CSF2RA: variants seen among roughly 807,000 people sequenced by gnomAD.
The protein encoded by CSF2RA is colony stimulating factor 2 receptor subunit alpha.
CSF2RA carries 42 observed loss-of-function variants against 51.6 expected under a neutral mutation model. That is an observed-to-expected ratio of 0.81 (90% confidence interval 0.64 to 1.05). The LOEUF is 1.05. Ranked by LOEUF, CSF2RA falls within the 50% of genes least tolerant of loss-of-function variation. CSF2RA has a pLI of 0.00. For missense variants in CSF2RA, 530 were observed against 501.1 expected, an observed-to-expected ratio of 1.06 and a Z score of -0.55; for synonymous variants, 222 against 193.0, an observed-to-expected ratio of 1.15 and a Z score of -1.24.
chrX:1,285,849 G>A lies in CSF2RA; in HGVS notation c.148G>A (p.Asp50Asn), dbSNP rs766289001. 2.5e-6 allele frequency: 4 copies of A among 1,613,836 alleles called. No individual in the cohort carries two copies. The South Asian group carries it at 3.3e-5, about 13-fold the overall frequency. The part of the protein sequence containing the change: ...FDSRTMNLSW[D>N]CQENTTFSKC... ...CTCCAGGACGATGAATTTAAGCTGG[G>A]ACTGCCAAGAAAACACAACCTTCAG... Residue 50 changes from aspartate to asparagine, a missense_variant, in exon 4 of 13, where the codon GAC becomes AAC. Physicochemically the swap from Asp to Asn is conservative, Grantham distance 23. Transcript: ENST00000381529.
At chrX:1,312,605 C>T (rs1483598263), downstream of CSF2RA, among the ~76,000 whole-genome samples, 3 of 152,120 alleles carry the variant, frequency 2.0e-5, no homozygotes, top group African/African-American at 7.2e-5. Flanking sequence ...TTGCCTCCCA[C>T]GATCAGTGAG....
In CSF2RA at chrX:1,300,565, G is replaced by C. The variant is rs761742562; in HGVS notation, c.885G>C (p.Lys295Asn). The change falls in exon 10 of 13, where the codon AAG becomes AAC. Residue 295 changes from lysine (K) to asparagine (N), a missense_variant. Physicochemically the swap from Lys to Asn is moderately conservative, Grantham distance 94. Coordinates refer to ENST00000381529, the MANE Select transcript of CSF2RA (RefSeq NM_172245.4). ...SSEPRAKHSV[K>N]IRAADVRILN... ...AGCCCAGAGCAAAACACAGTGTGAA[G>C]ATCAGAGCTGCAGACGTCCGCATCT... 1 of 1,613,818 alleles carries C rather than the reference G, an allele frequency of 6.2e-7. No homozygotes were observed. The highest frequency in any genetic ancestry group is 8.5e-7 in the Non-Finnish European group (1 of 1,179,860).
At chrX:1,315,816 TAGA>T in the CSF2RA span, among the ~76,000 whole-genome samples, 1 of 146,222 alleles carries the variant, frequency 6.8e-6, no homozygotes, top group East Asian at 2.1e-4. Context: ...GATAGATAGA[TAGA>T]TTAGATAGAT....
chrX:1,314,974 C>T (rs868528271), downstream of CSF2RA, among the ~76,000 whole-genome samples: 71 of 111,486 alleles, frequency 6.4e-4, 3 homozygotes, highest in Admixed American at 4.6e-3. Flanking sequence ...CCCACTGTGC[C>T]TGCCCAATCG....
At chrX:1,292,007 C>T (rs1307447002) in intron 7 of CSF2RA, among the ~76,000 whole-genome samples, 3 of 149,522 alleles carry the variant, frequency 2.0e-5, no homozygotes, top group Non-Finnish European at 4.5e-5. Flanking sequence ...AAGAGGTGTC[C>T]CTACTCCACA....
chrX:1,281,833 CTCT>C (rs1471639604), intron 2 of CSF2RA: 2 of 142,564 alleles, frequency 1.4e-5, no homozygotes, highest in African/African-American at 2.7e-5. Flanking sequence ...TTTTTTCTTC[CTCT>C]TCTTTTTTTT....
chrX:1,314,934 A>AC (rs1569515128), downstream of CSF2RA, among the ~76,000 whole-genome samples: 19 of 82,680 alleles, frequency 2.3e-4, 2 homozygotes, highest in African/African-American at 8.5e-4. Context: ...ACCGCACTGC[A>AC]CTTGCCCAAC....
rs1203797004 is a variant in CSF2RA, at chrX:1,284,827, C to G, written c.77-951C>G. Among the ~76,000 whole-genome samples the G allele has an allele frequency of 6.6e-5, 10 of 152,004 alleles. No individual in the cohort carries two copies. The South Asian group carries it at 2.1e-3, about 32-fold the overall frequency. ...TTACAGGTACCCGCCACCATGTCCA[C>G]CTAATTTTTTTGTATTTTTAGTAGA... On this transcript the variant is annotated intron_variant, in intron 3 of 12. Transcript: ENST00000381529.
intron 12 of CSF2RA, chrX:1,305,988 A>G: frequency 1.8e-6 from 1 of 570,340 alleles, no homozygotes; most frequent in South Asian, 2.0e-5. Context: ...AGGCTGGGGC[A>G]GTAGAACGGC....
At chrX:1,293,831 C>T in intron 7 of CSF2RA, 1 of 431,914 alleles carries the variant, frequency 2.3e-6, no homozygotes, top group Non-Finnish European at 4.4e-6. Context: ...GAAGACTCTG[C>T]ACCACCTCCA....
chrX:1,320,430 A>G, the CSF2RA span, among the ~76,000 whole-genome samples: 2 of 152,046 alleles, frequency 1.3e-5, no homozygotes, highest in South Asian at 2.1e-4. Flanking sequence ...GGGAAGCTCC[A>G]AGAAGTTTCT....
intron 2 of CSF2RA, chrX:1,282,385 T>C (rs1237113115): frequency 2.0e-6 from 1 of 512,172 alleles, no homozygotes; most frequent in Non-Finnish European, 3.5e-6. Flanking sequence ...GCCTTTAGTG[T>C]CAGCTATGGG....
Position 1,303,982 on chromosome X carries a change from CTT to C in CSF2RA, c.1007_1008del (p.Leu336ArgfsTer11). ...TTATGTGCTCCTAATCGTGGGAACCCTTGTCTGTGGCATCGTCCTCGGCTTCC... is the reference window on the plus strand; with the variant it reads ...TTATGTGCTCCTAATCGTGGGAACCCGTCTGTGGCATCGTCCTCGGCTTCC... The part of the protein sequence containing the change: ...YIYVLLIVGT[L>X]VCGIVLGFLF... On this transcript the variant is annotated frameshift_variant, in exon 11 of 13. Coordinates refer to ENST00000381529, the MANE Select transcript of CSF2RA (RefSeq NM_172245.4). LOFTEE classifies it high-confidence loss of function. The C allele has an allele frequency of 3.7e-6, 6 of 1,613,120 alleles. No individual in the cohort carries two copies. Among genetic ancestry groups the C allele is most frequent in the Non-Finnish European group, 5.1e-6 (6 of 1,179,738 alleles).
At chrX:1,299,456 G>T (rs139419998) in intron 9 of CSF2RA, among the ~76,000 whole-genome samples, 2 of 151,946 alleles carry the variant, frequency 1.3e-5, no homozygotes, top group Non-Finnish European at 2.9e-5. Context: ...ACGGAGTCTC[G>T]CTCTGTCCCC....
intron 7 of CSF2RA, among the ~76,000 whole-genome samples, 153 bp downstream of exon 7, chrX:1,290,662 C>T (rs2091313984): frequency 6.6e-6 from 1 of 152,018 alleles, no homozygotes; most frequent in Admixed American, 6.6e-5. Flanking sequence ...ATCGGGTGTT[C>T]AAAACCAGCC....
intron 1 of CSF2RA, among the ~76,000 whole-genome samples, chrX:1,273,491 G>GT (rs1363244192): frequency 1.3e-5 from 2 of 150,302 alleles, no homozygotes; most frequent in Admixed American, 6.7e-5. Context: ...ATTGTTTTTT[G>GT]TTTTTTGTTT....
chrX:1,302,975 G>C lies in CSF2RA; in HGVS notation c.947-948G>C, dbSNP rs1164895714. 2.0e-5 allele frequency: 5 copies of C among 244,746 alleles called. No individual in the cohort carries two copies. In the Admixed American group the frequency reaches 2.3e-4, roughly 11 times the overall value. The allele number at this position is 244,746 out of a possible 1,614,324, so 15.2% of individuals were successfully genotyped here. A position where few individuals can be genotyped will look rare whatever the true frequency, so the allele number is the denominator to read the frequency against. Reference sequence around the variant, plus strand: ...CAACCTCCGCCTCCCGGGTTCAAGCGATTCTCCTGCCTCAGCCTCCCGAGT... The same window carrying C: ...CAACCTCCGCCTCCCGGGTTCAAGCCATTCTCCTGCCTCAGCCTCCCGAGT... On this transcript the variant is annotated intron_variant, in intron 10 of 12. Coordinates refer to ENST00000381529, the MANE Select transcript of CSF2RA (RefSeq NM_172245.4).
At chrX:1,320,499 C>CTTTT in the CSF2RA span, among the ~76,000 whole-genome samples, 1 of 139,480 alleles carries the variant, frequency 7.2e-6, no homozygotes, top group African/African-American at 2.6e-5. Flanking sequence ...GCCAATGTGG[C>CTTTT]TTTTTTTTTT....
intron 2 of CSF2RA, among the ~76,000 whole-genome samples, chrX:1,281,096 C>CT (rs1457906197): frequency 2.8e-5 from 1 of 35,744 alleles, no homozygotes; most frequent in Non-Finnish European, 5.5e-5. Context: ...CCTCCTGCTC[C>CT]CCTTCTCCTC....
Sources: gnomAD v4.1 joint callset for allele counts (sites outside exome capture counted in the v4.1 genomes callset) on GRCh38, gnomAD v4.1.1 for gene constraint, MANE v1.5 for transcripts, NCBI Gene and HGNC (gene_info 2026-07-23, HGNC 2026-07-21) for gene names.